The following HTR1F variants were observed in gnomAD, a reference collection of about 807,000 sequenced individuals.
The protein encoded by HTR1F is 5-hydroxytryptamine receptor 1F.
HTR1F carries 17 observed loss-of-function variants against 24.0 expected under a neutral mutation model. The observed-to-expected ratio is 0.71, with a 90% CI of 0.48 to 1.06. The LOEUF is 1.06. Among genes scored for constraint, HTR1F ranks in the 50% least tolerant of loss-of-function variants. The pLI, the probability that HTR1F is intolerant of heterozygous loss-of-function variation, is 0.00. For missense variants in HTR1F, 391 were observed against 427.8 expected (o/e 0.91, Z 0.76); for synonymous variants, 186 against 156.8 (o/e 1.19, Z -1.39).
intron 2 of HTR1F, among the ~76,000 whole-genome samples, chr3:87,957,186 C>T (rs1208888559): frequency 6.6e-6 from 1 of 151,082 alleles, no homozygotes; most frequent in Admixed American, 6.6e-5. Context: ...ATCAGATGGA[C>T]TTTTTTTCTG....
At chr3:87,989,979 G>T (rs1412386185) in intron 2 of HTR1F, among the ~76,000 whole-genome samples, 2 of 152,180 alleles carry the variant, frequency 1.3e-5, no homozygotes, top group South Asian at 2.1e-4. Flanking sequence ...TATAACTGAG[G>T]TCTGAGTCCT....
At position 87,797,246 on chromosome 3, in the gene HTR1F, A is replaced by G. The variant is rs568916662; in HGVS notation, c.-160+4404A>G. On this transcript the variant is annotated intron_variant, in intron 1 of 2. Coordinates refer to ENST00000319595, the MANE Select transcript of HTR1F (RefSeq NM_001322209.2). Reference sequence around the variant, plus strand: ...GTGTGTATACAGAGAGTTTGGAGTTATTCATGGTTTCAGGCATTCACTGGG... The same window carrying G: ...GTGTGTATACAGAGAGTTTGGAGTTGTTCATGGTTTCAGGCATTCACTGGG... Among the ~76,000 whole-genome samples the G allele has an allele frequency of 8.5e-5, 13 of 152,312 alleles. No homozygotes were observed. The South Asian group carries it at 2.5e-3, about 29-fold the overall frequency.
chr3:87,908,187 T>A (rs1703705711), intron 2 of HTR1F, among the ~76,000 whole-genome samples: 1 of 152,040 alleles, frequency 6.6e-6, no homozygotes, highest in Non-Finnish European at 1.5e-5. Context: ...TTGCCTTATA[T>A]TACTATTAAT....
intron 2 of HTR1F, among the ~76,000 whole-genome samples, chr3:87,838,480 C>T (rs1413917062): frequency 6.6e-6 from 1 of 151,978 alleles, no homozygotes; most frequent in Non-Finnish European, 1.5e-5. Flanking sequence ...CTACATGAAT[C>T]GAATAATATA....
intron 2 of HTR1F, among the ~76,000 whole-genome samples, chr3:87,856,229 A>C (rs1705194971): frequency 6.6e-6 from 1 of 152,002 alleles, no homozygotes; most frequent in African/African-American, 2.4e-5. Flanking sequence ...AGAAAAAAAC[A>C]GTATTTTTAG....
rs748401543 is a variant in HTR1F, at chr3:87,991,117, G to A, written c.368G>A (p.Arg123Gln). 9 of 1,613,816 alleles carry A rather than the reference G, an allele frequency of 5.6e-6. No individual in the cohort carries two copies. Among genetic ancestry groups the A allele is most frequent in the Non-Finnish European group, 7.6e-6 (9 of 1,180,024 alleles). ...HLSAIALDRY[R>Q]AITDAVEYAR... is the part of the protein sequence containing the mutation. ...TCAGCTATAGCTTTGGATCGGTATC[G>A]AGCAATCACAGATGCTGTTGAGTAT... Residue 123 changes from arginine (R) to glutamine (Q), a missense_variant, in exon 3 of 3, where the codon CGA becomes CAA. Physicochemically the swap from Arg to Gln is conservative, Grantham distance 43. Coordinates refer to ENST00000319595, the MANE Select transcript of HTR1F (RefSeq NM_001322209.2).
intron 2 of HTR1F, among the ~76,000 whole-genome samples, chr3:87,974,059 C>A (rs1361786379): frequency 6.6e-6 from 1 of 152,138 alleles, no homozygotes; most frequent in Non-Finnish European, 1.5e-5. Flanking sequence ...AACTCTCGAG[C>A]AGCAGATGAT....
chr3:87,939,090 C>T (rs957435421), intron 2 of HTR1F, among the ~76,000 whole-genome samples: 1 of 152,056 alleles, frequency 6.6e-6, no homozygotes, highest in African/African-American at 2.4e-5. Flanking sequence ...AGAAAAACAA[C>T]CCCATCAAAA....
intron 2 of HTR1F, among the ~76,000 whole-genome samples, chr3:87,923,394 C>A (rs1704053282): frequency 6.6e-6 from 1 of 151,832 alleles, no homozygotes; most frequent in Non-Finnish European, 1.5e-5. Flanking sequence ...GATGTTTTTC[C>A]ATTTTGGGGT....
chr3:87,861,597 G>A (rs1462304692), intron 2 of HTR1F, among the ~76,000 whole-genome samples: 1 of 152,034 alleles, frequency 6.6e-6, no homozygotes, highest in East Asian at 1.9e-4. Flanking sequence ...TATTTAACAT[G>A]CCTTACAGTC....
chr3:87,909,085 T>C (rs1221877630), intron 2 of HTR1F, among the ~76,000 whole-genome samples: 3 of 152,052 alleles, frequency 2.0e-5, no homozygotes, highest in Admixed American at 2.0e-4. Context: ...CATGGTCATG[T>C]AACTAATTCT....
intron 1 of HTR1F, among the ~76,000 whole-genome samples, chr3:87,811,300 C>A (rs1211254846): frequency 2.7e-5 from 4 of 150,350 alleles, no homozygotes; most frequent in Non-Finnish European, 5.9e-5. Context: ...AGCCTTCCTA[C>A]AGACAAACAC....
intron 1 of HTR1F, chr3:87,793,195 G>A (rs964170128): frequency 3.3e-5 from 5 of 152,566 alleles, no homozygotes; most frequent in Non-Finnish European, 7.3e-5. Flanking sequence ...TTAGGGCGCA[G>A]GCTCCTGGCG....
intron 2 of HTR1F, among the ~76,000 whole-genome samples, chr3:87,930,627 G>C (rs943060952): frequency 6.6e-6 from 1 of 152,062 alleles, no homozygotes; most frequent in East Asian, 1.9e-4. Context: ...TGCATCCCTG[G>C]GGTGAAGTCT....
intron 2 of HTR1F, among the ~76,000 whole-genome samples, chr3:87,845,376 T>G (rs1454654357): frequency 6.6e-6 from 1 of 151,242 alleles, no homozygotes; most frequent in East Asian, 1.9e-4. Context: ...ATAAGCAACT[T>G]CAGCAAAGTC....
intron 2 of HTR1F, among the ~76,000 whole-genome samples, chr3:87,971,863 T>C (rs1283687828): frequency 2.6e-5 from 4 of 152,232 alleles, no homozygotes; most frequent in Admixed American, 6.5e-5. Context: ...TTTATGTATA[T>C]ACAATAATTT....
intron 2 of HTR1F, among the ~76,000 whole-genome samples, chr3:87,989,738 G>C (rs1466316318): frequency 6.6e-6 from 1 of 152,160 alleles, no homozygotes; most frequent in Non-Finnish European, 1.5e-5. Flanking sequence ...TGCACAAATG[G>C]TGTGTGCTTT....
At chr3:87,954,613 C>T (rs1704905081) in intron 2 of HTR1F, among the ~76,000 whole-genome samples, 1 of 151,560 alleles carries the variant, frequency 6.6e-6, no homozygotes, top group South Asian at 2.1e-4. Context: ...TCATTTCACA[C>T]AGTACAGAGT....
At chr3:87,826,699 A>G (rs1704470675) in intron 2 of HTR1F, among the ~76,000 whole-genome samples, 1 of 152,062 alleles carries the variant, frequency 6.6e-6, no homozygotes, top group Non-Finnish European at 1.5e-5. Flanking sequence ...TATTGGTACT[A>G]TTTGTCTTAC....
Sources: gnomAD v4.1 joint callset for allele counts (sites outside exome capture counted in the v4.1 genomes callset) on GRCh38, gnomAD v4.1.1 for gene constraint, MANE v1.5 for transcripts, NCBI Gene and HGNC (gene_info 2026-07-23, HGNC 2026-07-21) for gene names.